Variants in C1QBP observed in about 807,000 individuals in gnomAD.
C1QBP encodes complement component 1 Q subcomponent-binding protein, mitochondrial.
C1QBP carries 24 observed loss-of-function variants against 29.4 expected under a neutral mutation model. The ratio of observed to expected loss-of-function variants is 0.82; its 90% CI spans 0.59 to 1.15. C1QBP has a LOEUF of 1.15. Among genes scored for constraint, C1QBP ranks in the 50% most tolerant of loss-of-function variants. The probability of loss-of-function intolerance (pLI) is 0.00; values close to 1 mark genes in which losing one functional copy is unlikely to be tolerated. For missense variants in C1QBP, 337 were observed against 355.8 expected (o/e 0.95, Z 0.43); for synonymous variants, 182 against 149.2 (o/e 1.22, Z -1.60).
chr17:5,433,851 GGCCACCACTATTAGGATATTATGTA>G, intron 3 of C1QBP, 84 bp from the exon 4 acceptor site: 1 of 1,128,664 alleles, frequency 8.9e-7, no homozygotes, highest in Non-Finnish European at 1.4e-6. Context: ...AGTGTCTGAT[GGCCACCACTATTAGGATATTATGTA>G]GCCATTTGAA....
Position 5,438,846 on chromosome 17 carries a change from G to T in C1QBP, c.228C>A (p.Thr76=). The part of the protein sequence containing the change: ...ACGCGCGSLH[T]DGDKAFVDFL... ...CCCCGGCCCGCTAAACCTCACCGTC[G>T]GTGTGCAGCGAGCCGCAGCCACAGC... is the stretch of plus-strand genomic sequence containing the variant. Residue 76 remains threonine (T), a synonymous_variant, in exon 1 of 6, where the codon ACC becomes ACA. Coordinates refer to ENST00000225698, the MANE Select transcript of C1QBP (RefSeq NM_001212.4). 1 of 1,546,694 alleles carries T rather than the reference G, an allele frequency of 6.5e-7. No homozygotes were observed. Among genetic ancestry groups the T allele is most frequent in the Non-Finnish European group, 8.7e-7 (1 of 1,145,936 alleles).
Position 5,438,349 on chromosome 17 carries a change from A to G in C1QBP, c.233-76T>C, listed in dbSNP as rs1916331093. On this transcript the variant is annotated intron_variant, in intron 1 of 5. Coordinates refer to ENST00000225698, the MANE Select transcript of C1QBP (RefSeq NM_001212.4). ...ATAAAACTATTACCCAGGTTATTGC[A>G]GCCAGAAACCTGGACTGTTTCTAAT... is the stretch of plus-strand genomic sequence containing the variant. The G allele has an allele frequency of 2.0e-6, 3 of 1,519,342 alleles. No individual in the cohort carries two copies. In the African/African-American group the frequency reaches 4.2e-5, roughly 21 times the overall value. The allele number at this position is 1,519,342 out of a possible 1,614,324, so 94.1% of individuals were successfully genotyped here. A position where few individuals can be genotyped will look rare whatever the true frequency, so the allele number is the denominator to read the frequency against.
chr17:5,438,575 T>C (rs1008484577), intron 1 of C1QBP: 28 of 754,196 alleles, frequency 3.7e-5, no homozygotes, highest in East Asian at 5.7e-5. Flanking sequence ...ACCACGACCA[T>C]GGGCCTTCCC....
At chr17:5,435,952 A>G (rs1916260104) in intron 2 of C1QBP, among the ~76,000 whole-genome samples, 1 of 146,782 alleles carries the variant, frequency 6.8e-6, no homozygotes, top group Non-Finnish European at 1.5e-5. Context: ...AGGCTGAGGC[A>G]GGAGAATTGC....
At chr17:5,434,067 C>T in intron 3 of C1QBP, 1 of 376,196 alleles carries the variant, frequency 2.7e-6, no homozygotes, top group South Asian at 2.8e-5. Flanking sequence ...TCCACCCGTA[C>T]ACTGCAAAGC....
chr17:5,433,004 ATCTG>A lies in C1QBP; in HGVS notation c.*7_*10del, dbSNP rs765428366. 3.1e-6 allele frequency: 5 copies of A among 1,604,926 alleles called. No individual in the cohort carries two copies. The East Asian group carries it at 1.1e-4, about 36-fold the overall frequency. On this transcript the variant is annotated 3_prime_UTR_variant, in exon 6 of 6. Coordinates refer to ENST00000225698, the MANE Select transcript of C1QBP (RefSeq NM_001212.4). ...CTGCCATGAAACTATGGCTTTCAGC[ATCTG>A]TCTGCTCTACTGGCTCTTGACAAAA...
rs1292388386 is a variant in C1QBP, at chr17:5,433,018, C to T, written c.846G>A (p.Gln282=). 1 of 1,612,032 alleles carries T rather than the reference C, an allele frequency of 6.2e-7. No homozygotes were observed. Among genetic ancestry groups the T allele is most frequent in the Non-Finnish European group, 8.5e-7 (1 of 1,179,466 alleles). Residue 282 remains glutamine (Q), a synonymous_variant, in exon 6 of 6, where the codon CAG becomes CAA. Transcript: ENST00000225698. ...TGGCTTTCAGCATCTGTCTGCTCTA[C>T]TGGCTCTTGACAAAACTCTTGAGGT... ...LEDLKSFVKS[Q] is the part of the protein sequence containing the mutation.
chr17:5,436,815 T>C (rs958791855), intron 2 of C1QBP, among the ~76,000 whole-genome samples: 2 of 152,118 alleles, frequency 1.3e-5, no homozygotes, highest in Non-Finnish European at 2.9e-5. Flanking sequence ...GTCAGGACTT[T>C]GAGACCAGCC....
chr17:5,438,476 A>G, intron 1 of C1QBP: 1 of 747,542 alleles, frequency 1.3e-6, no homozygotes, highest in Admixed American at 3.0e-5. Flanking sequence ...GTGATTTCCA[A>G]CAATGAACGC....
chr17:5,438,295 A>T, intron 1 of C1QBP, 22 bp from the exon 2 acceptor site: 1 of 1,609,586 alleles, frequency 6.2e-7, no homozygotes, highest in Non-Finnish European at 8.5e-7. Context: ...ATCCAGATAC[A>T]TAAAAAGGAA....
At chr17:5,433,504 T>TC in intron 4 of C1QBP, 89 bp from the exon 5 acceptor site, 1 of 1,573,086 alleles carries the variant, frequency 6.4e-7, no homozygotes, top group Non-Finnish European at 8.7e-7. Flanking sequence ...AGCATGAAAC[T>TC]CATCAGGTTT....
At chr17:5,434,206 C>T (rs374444582) in intron 3 of C1QBP, 25 of 209,876 alleles carry the variant, frequency 1.2e-4, no homozygotes, top group Non-Finnish European at 1.6e-4. Context: ...TCCTCTGATG[C>T]GGAGCTCTGG....
chr17:5,438,417 G>C, intron 1 of C1QBP, 144 bp from the exon 2 acceptor site: 2 of 1,082,098 alleles, frequency 1.8e-6, no homozygotes, highest in Non-Finnish European at 2.6e-6. Context: ...TTTCCTTATC[G>C]GTAAAAATAC....
In C1QBP at chr17:5,434,886, A is replaced by AC; in HGVS notation, c.463dup (p.Val155GlyfsTer2). The stretch of plus-strand genomic sequence containing the variant: ...GTATTAGCTTACCTCCTGTTCTTCA[A>AC]CCTTCTGCCCTTGCGAGGGTTCCTC... On this transcript the variant is annotated frameshift_variant, in exon 3 of 6. Transcript: ENST00000225698. LOFTEE classifies it high-confidence loss of function. 6.2e-7 allele frequency: 1 copy of AC among 1,613,248 alleles called. No homozygotes were observed. The highest frequency in any genetic ancestry group is 1.7e-5 in the Admixed American group (1 of 59,994).
At chr17:5,436,769 C>T (rs1163464404) in intron 2 of C1QBP, among the ~76,000 whole-genome samples, 2 of 152,132 alleles carry the variant, frequency 1.3e-5, no homozygotes, top group African/African-American at 2.4e-5. Flanking sequence ...CCTGAAATCC[C>T]AGCACTTTGG....
chr17:5,433,082 G>A lies in C1QBP; in HGVS notation c.782C>T (p.Thr261Ile). 1.2e-6 allele frequency: 2 copies of A among 1,614,084 alleles called. No homozygotes were observed. The highest frequency in any genetic ancestry group is 2.2e-5 in the East Asian group (1 of 44,884). ...TFADELVELSTALEHQEYITF... is the reference protein window; with the variant it reads ...TFADELVELSIALEHQEYITF... Reference sequence around the variant, plus strand: ...AATGTACTCCTGGTGCTCCAGGGCTGTGCTGAGCTCCACCAGCTCATCTGC... The same window carrying A: ...AATGTACTCCTGGTGCTCCAGGGCTATGCTGAGCTCCACCAGCTCATCTGC... The change falls in exon 6 of 6, where the codon ACA (threonine) becomes ATA (isoleucine). Residue 261 changes from threonine to isoleucine, a missense_variant. By Grantham distance (89) the Thr-to-Ile change is moderately conservative (BLOSUM62 -1). Transcript: ENST00000225698.
At chr17:5,436,044 G>C (rs569034590) in intron 2 of C1QBP, among the ~76,000 whole-genome samples, 2 of 85,318 alleles carry the variant, frequency 2.3e-5, no homozygotes, top group East Asian at 2.5e-4. Context: ...GACTCTGTCA[G>C]AAAAAAAAAA....
chr17:5,435,828 G>C (rs1916253669), intron 2 of C1QBP, among the ~76,000 whole-genome samples: 1 of 138,520 alleles, frequency 7.2e-6, no homozygotes, highest in Non-Finnish European at 1.5e-5. Flanking sequence ...AAGAGATCGA[G>C]ACCATCCTGG....
At position 5,438,973 on chromosome 17, in the gene C1QBP, G is replaced by A. The variant is rs1916350334; in HGVS notation, c.101C>T (p.Pro34Leu). 1.3e-6 allele frequency: 2 copies of A among 1,500,756 alleles called. No individual in the cohort carries two copies. Among genetic ancestry groups the A allele is most frequent in the African/African-American group, 1.5e-5 (1 of 68,162 alleles). The allele number at this position is 1,500,756 out of a possible 1,614,324, so 93.0% of individuals were successfully genotyped here. The stretch of plus-strand genomic sequence containing the variant: ...GGGCCGGGTGCACAGCCGGGGTGCC[G>A]GCTGCAGGAGCTGCCGGAAAGGCGA... Reference protein sequence around the residue: ...PASPFRQLLQPAPRLCTRPFG... With the variant: ...PASPFRQLLQLAPRLCTRPFG... The change falls in exon 1 of 6, where the codon CCG becomes CTG. Residue 34 changes from proline (P) to leucine (L), a missense_variant. Physicochemically the swap from Pro to Leu is moderately conservative, Grantham distance 98. Coordinates refer to ENST00000225698, the MANE Select transcript of C1QBP (RefSeq NM_001212.4).
Sources: allele counts gnomAD v4.1 joint callset (sites outside exome capture counted in the v4.1 genomes callset), GRCh38; gene constraint gnomAD v4.1.1; transcripts MANE v1.5; gene names NCBI Gene and HGNC (gene_info 2026-07-23, HGNC 2026-07-21).